Variants in MBP observed in about 807,000 individuals in gnomAD.
The protein encoded by MBP is myelin basic protein.
A neutral mutation model predicts 35.8 loss-of-function variants in MBP; 16 were observed. The ratio of observed to expected loss-of-function variants is 0.45; its 90% CI spans 0.30 to 0.68. The LOEUF (loss-of-function observed/expected upper bound fraction) is 0.68, where lower values mean the gene tolerates loss of function less well. MBP is among the 30% of genes least tolerant of loss of function. The pLI is 0.08. For missense variants in MBP, 380 were observed against 404.7 expected, an observed-to-expected ratio of 0.94 and a Z score of 0.52; for synonymous variants, 143 against 159.6, an observed-to-expected ratio of 0.90 and a Z score of 0.78.
At chr18:77,095,032 G>T (rs985414354) in intron 2 of MBP, among the ~76,000 whole-genome samples, 1 of 152,186 alleles carries the variant, frequency 6.6e-6, no homozygotes, top group Non-Finnish European at 1.5e-5. Flanking sequence ...CTGTGACCAC[G>T]TTGTGTGGCC....
chr18:77,094,789 G>T (rs561968467), intron 2 of MBP, among the ~76,000 whole-genome samples: 1 of 152,300 alleles, frequency 6.6e-6, no homozygotes, highest in East Asian at 1.9e-4. Flanking sequence ...GTTGTCCCAG[G>T]GGGGAGCCAC....
At chr18:77,123,792 C>T (rs548597592) in intron 1 of MBP, among the ~76,000 whole-genome samples, 116 of 152,306 alleles carry the variant, frequency 7.6e-4, no homozygotes, top group African/African-American at 2.7e-3. Flanking sequence ...CAATTCTGTC[C>T]CTGCTAGGAC....
At chr18:77,078,180 G>A (rs642506) in intron 2 of MBP, among the ~76,000 whole-genome samples, 129,108 of 152,256 alleles carry the variant, frequency 0.85, 54,803 homozygotes, top group East Asian at 0.94. Context: ...AACATCTTAC[G>A]TGTTCAGGAG....
Position 76,989,760 on chromosome 18 carries a change from G to A in MBP, c.681+196C>T. 1 of 581,900 alleles carries A rather than the reference G, an allele frequency of 1.7e-6. No individual in the cohort carries two copies. Among genetic ancestry groups the A allele is most frequent in the Non-Finnish European group, 3.1e-6 (1 of 323,028 alleles). 36.0% of individuals were successfully genotyped at this position (581,900 alleles called of 1,614,324 possible). ...ACGCACGGAGCGCACGGTGCAATCCGTGGCAGATACAGTCGGGAAGCGCTT... is the reference window on the plus strand; with the variant it reads ...ACGCACGGAGCGCACGGTGCAATCCATGGCAGATACAGTCGGGAAGCGCTT... On this transcript the variant is annotated intron_variant, in intron 5 of 8. Transcript: ENST00000355994. The surrounding 1 kb of genome is among the most constrained non-coding windows in gnomAD (Gnocchi z 4.0).
At chr18:77,132,416 G>T (rs554177006) in intron 1 of MBP, among the ~76,000 whole-genome samples, 164 bp downstream of exon 1, 1 of 152,276 alleles carries the variant, frequency 6.6e-6, no homozygotes, top group Admixed American at 6.5e-5. Context: ...CCAAGAAAGG[G>T]ACCCGGAGTC....
chr18:77,038,986 C>T (rs916569263), intron 3 of MBP, among the ~76,000 whole-genome samples: 61 of 152,112 alleles, frequency 4.0e-4, no homozygotes, highest in East Asian at 1.9e-4. Flanking sequence ...TTGTACATCT[C>T]GAAAGGTGAG....
rs1969731337 is a variant in MBP at position 76,988,948 on chromosome 18, A to G, written c.682-36T>C. On this transcript the variant is annotated intron_variant, in intron 5 of 8. Coordinates refer to ENST00000355994, the MANE Select transcript of MBP (RefSeq NM_001025101.2). The surrounding 1 kb of genome is among the most constrained non-coding windows in gnomAD (Gnocchi z 5.2). ...ACAGAGAACCGTGGGCTGCACTGGG[A>G]GCCCTGTGCCGCCGTCCATTTCCTA... 1 of 1,605,676 alleles carries G rather than the reference A, an allele frequency of 6.2e-7. No homozygotes were observed.
At chr18:76,985,069 T>G (rs1461309128) in intron 7 of MBP, 175 bp from the exon 8 acceptor site, 10 of 1,490,016 alleles carry the variant, frequency 6.7e-6, no homozygotes, top group Non-Finnish European at 9.1e-6. Context: ...CGGGAGAGGC[T>G]GCTCCCCCAG....
At chr18:77,092,908 C>T (rs1225679420) in intron 2 of MBP, among the ~76,000 whole-genome samples, 1 of 152,194 alleles carries the variant, frequency 6.6e-6, no homozygotes, top group Non-Finnish European at 1.5e-5. Flanking sequence ...GCCCCGCGTG[C>T]GTATTTCGCT....
chr18:77,025,940 C>T (rs1426045029), intron 3 of MBP, among the ~76,000 whole-genome samples: 2 of 152,128 alleles, frequency 1.3e-5, no homozygotes, highest in East Asian at 1.9e-4. Flanking sequence ...ACTCCCTCTC[C>T]GAAAAACCGT....
At position 76,979,829 on chromosome 18, in the gene MBP, C is replaced by T. The variant is rs566658206; in HGVS notation, c.*598G>A. 1.6e-6 allele frequency: 1 copy of T among 634,564 alleles called. No homozygotes were observed. The highest frequency in any genetic ancestry group is 1.8e-5 in the African/African-American group (1 of 54,904). The allele number at this position is 634,564 out of a possible 1,614,324, so 39.3% of individuals were successfully genotyped here. A position where few individuals can be genotyped will look rare whatever the true frequency, so the allele number is the denominator to read the frequency against. On this transcript the variant is annotated 3_prime_UTR_variant, in exon 9 of 9. Transcript: ENST00000355994. ...AGGTGGCCCCCTCTCTGTGCTGCCC[C>T]ACGTTGGACTCTAACAGCTGCCCAG...
In MBP at chr18:76,984,992, A is replaced by C; in HGVS notation, c.751-98T>G. 3 of 1,560,734 alleles carry C rather than the reference A, an allele frequency of 1.9e-6. No homozygotes were observed. In the South Asian group the frequency reaches 3.4e-5, roughly 18 times the overall value. On this transcript the variant is annotated intron_variant, in intron 7 of 8. Coordinates refer to ENST00000355994, the MANE Select transcript of MBP (RefSeq NM_001025101.2). ...CCACCAGGGCCCCGGGGAAGGGCCC[A>C]GGCCCCGGACTGGACTGGTGAGTGG...
chr18:77,049,005 C>T (rs369224889), intron 3 of MBP, among the ~76,000 whole-genome samples: 15 of 151,582 alleles, frequency 9.9e-5, no homozygotes, highest in African/African-American at 3.4e-4. Flanking sequence ...CTGCCAGCTC[C>T]GCCTCCCGGG....
intron 4 of MBP, among the ~76,000 whole-genome samples, chr18:76,995,190 A>C (rs1436174383): frequency 6.6e-6 from 1 of 152,262 alleles, no homozygotes; most frequent in Non-Finnish European, 1.5e-5. Context: ...GAAGAAATCA[A>C]AGTGAACTTA....
chr18:76,980,450 C>T lies in MBP; in HGVS notation c.892G>A (p.Gly298Arg). 1 of 1,613,802 alleles carries T rather than the reference C, an allele frequency of 6.2e-7. No homozygotes were observed. The highest frequency in any genetic ancestry group is 8.5e-7 in the Non-Finnish European group (1 of 1,179,794). Residue 298 changes from glycine (G) to arginine (R), a missense_variant, in exon 9 of 9, where the codon GGA becomes AGA. By Grantham distance (125) the Gly-to-Arg change is moderately radical. Transcript: ENST00000355994. ...FKLGGRDSRSGSPMARR is the reference protein window; with the variant it reads ...FKLGGRDSRSRSPMARR The stretch of plus-strand genomic sequence containing the variant: ...TTTCAGCGTCTAGCCATGGGTGATC[C>T]AGAGCGACTATCTCTTCCTCCCTGA...
chr18:77,052,534 AG>A (rs1973531848), intron 3 of MBP, among the ~76,000 whole-genome samples: 1 of 152,196 alleles, frequency 6.6e-6, no homozygotes, highest in African/African-American at 2.4e-5. Flanking sequence ...GATGACCCTA[AG>A]TGACTCTTAG....
chr18:76,993,550 CA>C (rs60296914), intron 4 of MBP, among the ~76,000 whole-genome samples: 1,252 of 112,832 alleles, frequency 0.011, 21 homozygotes, highest in South Asian at 0.087. Flanking sequence ...ACTTTGTCTC[CA>C]AAAAAAAAAA....
chr18:77,066,460 G>A, intron 2 of MBP, 75 bp from the exon 3 acceptor site: 1 of 940,436 alleles, frequency 1.1e-6, no homozygotes, highest in Non-Finnish European at 1.8e-6. Context: ...TAATGCATTT[G>A]TCTCTTTATA....
At chr18:77,054,565 G>C (rs1369377792) in intron 3 of MBP, among the ~76,000 whole-genome samples, 1 of 152,240 alleles carries the variant, frequency 6.6e-6, no homozygotes, top group Non-Finnish European at 1.5e-5. Context: ...TCACCCAGGT[G>C]GGCAGAGGAG....
Sources: gnomAD v4.1 joint callset for allele counts (sites outside exome capture counted in the v4.1 genomes callset) on GRCh38, gnomAD v4.1.1 for gene constraint, Gnocchi (gnomAD v3.1) non-coding constraint, MANE v1.5 for transcripts, NCBI Gene and HGNC (gene_info 2026-07-23, HGNC 2026-07-21) for gene names.